NAALADL2: variants seen among roughly 807,000 people sequenced by gnomAD.
NAALADL2 encodes the protein N-acetylated alpha-linked acidic dipeptidase like 2.
A neutral mutation model predicts 87.2 loss-of-function variants in NAALADL2; 76 were observed. That is an observed-to-expected ratio of 0.87 (90% CI 0.72 to 1.05). The LOEUF is 1.05. NAALADL2 is among the 50% of genes least tolerant of loss of function. The pLI is 0.00. For synonymous variants in NAALADL2, 354 were observed against 331.0 expected (o/e 1.07, Z -0.75); for missense variants, 1,089 against 945.8 (o/e 1.15, Z -1.99).
At chr3:175,288,067 C>T (rs7650940) in intron 4 of NAALADL2, among the ~76,000 whole-genome samples, 117,989 of 152,080 alleles carry the variant, frequency 0.78, 46,387 homozygotes, top group African/African-American at 0.84. Flanking sequence ...CGTCAGGATT[C>T]AGACATGTCT....
At chr3:175,223,094 C>CTG (rs71626203) in intron 2 of NAALADL2, among the ~76,000 whole-genome samples, 16,652 of 147,464 alleles carry the variant, frequency 0.11, 1,168 homozygotes, top group African/African-American at 0.2. Context: ...CATAGTTACT[C>CTG]TGTGTGTGTG....
chr3:174,561,018 A>G (rs1446710385), intron 2 of NAALADL2, among the ~76,000 whole-genome samples: 1 of 152,146 alleles, frequency 6.6e-6, no homozygotes, highest in Non-Finnish European at 1.5e-5. Flanking sequence ...GACAATGGTG[A>G]TAGGTATAGG....
intron 2 of NAALADL2, among the ~76,000 whole-genome samples, chr3:174,625,066 T>C (rs866523085): frequency 0.021 from 2,987 of 144,896 alleles, 139 homozygotes; most frequent in African/African-American, 0.072. Flanking sequence ...TCTTTTTTTT[T>C]TTTTTTTTTT....
At chr3:174,828,167 C>CACACAACACA (rs141062835) in intron 3 of NAALADL2, among the ~76,000 whole-genome samples, 15,367 of 151,652 alleles carry the variant, frequency 0.1, 913 homozygotes, top group Non-Finnish European at 0.12. Context: ...AAACCAACCA[C>CACACAACACA]ACACAACACA....
intron 1 of NAALADL2, among the ~76,000 whole-genome samples, chr3:175,000,259 G>A (rs539800780): frequency 2.6e-5 from 4 of 152,320 alleles, no homozygotes; most frequent in Admixed American, 2.6e-4. Flanking sequence ...CATAATGTCA[G>A]TACAGTGTGC....
rs1754782379 is a variant in NAALADL2 at position 175,807,138 on chromosome 3, C to T, written c.*3935C>T. On this transcript the variant is annotated 3_prime_UTR_variant, in exon 14 of 14. Transcript: ENST00000454872. ...CAAACAGTAAAAAGAGACCAGAAAC[C>T]ACAAGTCTTACACTTTCATTCTCTA... 1 of 151,678 alleles carries T rather than the reference C, an allele frequency of 6.6e-6. No homozygotes were observed. The highest frequency in any genetic ancestry group is 1.5e-5 in the Non-Finnish European group (1 of 67,826). The allele number at this position is 151,678 out of a possible 1,614,324, so 9.4% of individuals were successfully genotyped here. A position where few individuals can be genotyped will look rare whatever the true frequency, so the allele number is the denominator to read the frequency against.
intron 2 of NAALADL2, among the ~76,000 whole-genome samples, chr3:175,099,122 T>G (rs1039156392): frequency 5.3e-5 from 8 of 152,180 alleles, no homozygotes; most frequent in South Asian, 2.1e-4. Context: ...CTTGTTTTAA[T>G]TCTTTTTTCA....
At chr3:174,681,492 A>AT (rs1227774328) in intron 2 of NAALADL2, among the ~76,000 whole-genome samples, 7 of 152,124 alleles carry the variant, frequency 4.6e-5, no homozygotes, top group Non-Finnish European at 8.8e-5. Context: ...TGCAACTTGG[A>AT]TAGTAGCTCA....
chr3:174,451,696 T>G (rs1179118588), intron 1 of NAALADL2, among the ~76,000 whole-genome samples: 2 of 152,154 alleles, frequency 1.3e-5, no homozygotes, highest in East Asian at 3.8e-4. Context: ...GTTTACATAT[T>G]TTTTGGAGGT....
intron 1 of NAALADL2, among the ~76,000 whole-genome samples, chr3:174,878,738 C>G (rs968841655): frequency 2.0e-5 from 3 of 151,974 alleles, no homozygotes; most frequent in Non-Finnish European, 2.9e-5. Flanking sequence ...GACCCCACCC[C>G]TTCTGCTGTT....
chr3:175,196,040 C>T (rs1738946765), intron 2 of NAALADL2, among the ~76,000 whole-genome samples: 1 of 151,744 alleles, frequency 6.6e-6, no homozygotes. Flanking sequence ...GGGTGGTGTT[C>T]AATATTAAAT....
At chr3:174,596,070 A>G (rs1239901024) in intron 2 of NAALADL2, among the ~76,000 whole-genome samples, 1 of 152,018 alleles carries the variant, frequency 6.6e-6, no homozygotes, top group Non-Finnish European at 1.5e-5. Context: ...AACAACAAAA[A>G]CAATATTAAT....
intron 13 of NAALADL2, among the ~76,000 whole-genome samples, chr3:175,761,152 A>C (rs1747953828): frequency 6.6e-6 from 1 of 152,178 alleles, no homozygotes; most frequent in Admixed American, 6.5e-5. Flanking sequence ...ATATGTACCC[A>C]CTGTTGCAGG....
intron 2 of NAALADL2, among the ~76,000 whole-genome samples, chr3:174,629,165 G>A (rs562889325): frequency 6.6e-6 from 1 of 152,242 alleles, no homozygotes; most frequent in South Asian, 2.1e-4. Flanking sequence ...TTATTTAGGG[G>A]CAGTTATGCT....
chr3:175,625,826 T>A (rs1309915510), intron 10 of NAALADL2, among the ~76,000 whole-genome samples: 1 of 151,944 alleles, frequency 6.6e-6, no homozygotes, highest in Non-Finnish European at 1.5e-5. Context: ...TGTCTGTTGA[T>A]TAAACTAGGT....
intron 7 of NAALADL2, among the ~76,000 whole-genome samples, chr3:175,463,736 G>GAGAGAGA (rs1560592659): frequency 2.8e-5 from 4 of 145,104 alleles, no homozygotes; most frequent in African/African-American, 5.3e-5. Context: ...GAGAGAGAGA[G>GAGAGAGA]GTGGGGATCT....
At chr3:175,297,933 A>G (rs1471221149) in intron 4 of NAALADL2, among the ~76,000 whole-genome samples, 1 of 152,184 alleles carries the variant, frequency 6.6e-6, no homozygotes, top group East Asian at 1.9e-4. Flanking sequence ...AACTATGAAT[A>G]CATTGTCTCC....
intron 2 of NAALADL2, among the ~76,000 whole-genome samples, chr3:174,629,117 T>TC (rs1285526697): frequency 6.6e-6 from 1 of 152,188 alleles, no homozygotes; most frequent in African/African-American, 2.4e-5. Flanking sequence ...ATTCTTACTA[T>TC]CACAGAAACA....
At chr3:175,316,002 A>G (rs1297547158) in intron 4 of NAALADL2, among the ~76,000 whole-genome samples, 3 of 152,226 alleles carry the variant, frequency 2.0e-5, no homozygotes, top group African/African-American at 7.2e-5. Context: ...TAACAAAATC[A>G]TTGAGTTAGA....
Sources: gnomAD v4.1 joint callset for allele counts (sites outside exome capture counted in the v4.1 genomes callset) on GRCh38, gnomAD v4.1.1 for gene constraint, MANE v1.5 for transcripts, NCBI Gene and HGNC (gene_info 2026-07-23, HGNC 2026-07-21) for gene names.